Variants in IDE observed in about 807,000 individuals in gnomAD.
IDE encodes the protein insulin degrading enzyme.
Under a neutral mutation model 133.2 loss-of-function variants are expected in IDE, and 58 were observed. The observed-to-expected ratio is 0.44, with a 90% CI of 0.35 to 0.54. The LOEUF (loss-of-function observed/expected upper bound fraction) is 0.54, where lower values mean the gene tolerates loss of function less well. Ranked by LOEUF, IDE falls within the 20% of genes least tolerant of loss-of-function variation. The pLI is 0.00. For missense variants in IDE, 981 were observed against 1,234.0 expected, an observed-to-expected ratio of 0.79 and a Z score of 3.07; for synonymous variants, 396 against 421.3, an observed-to-expected ratio of 0.94 and a Z score of 0.73.
chr10:92,534,500 C>T, intron 3 of IDE, 78 bp downstream of exon 3: 1 of 872,040 alleles, frequency 1.1e-6, no homozygotes, highest in Non-Finnish European at 1.8e-6. Context: ...ATGAAGCCAT[C>T]TCTGTGGAAA....
At chr10:92,528,712 A>T (rs1415992085) in intron 4 of IDE, among the ~76,000 whole-genome samples, 1 of 152,204 alleles carries the variant, frequency 6.6e-6, no homozygotes, top group Non-Finnish European at 1.5e-5. Context: ...CTTAAAACAG[A>T]TAATACAATG....
chr10:92,568,841 A>G (rs1589561239), intron 1 of IDE, among the ~76,000 whole-genome samples: 1 of 149,822 alleles, frequency 6.7e-6, no homozygotes, highest in East Asian at 2.0e-4. Flanking sequence ...AATAATAATA[A>G]TAACAATACC....
chr10:92,490,167 G>T (rs768738335), intron 12 of IDE, among the ~76,000 whole-genome samples: 9 of 152,232 alleles, frequency 5.9e-5, no homozygotes, highest in African/African-American at 2.2e-4. Context: ...TGGAGCCCTT[G>T]CATTGGTTTC....
At position 92,469,310 on chromosome 10, in the gene IDE, T is replaced by A. The variant is rs547488146; in HGVS notation, c.2209-320A>T. ...CACAGAAAAGCAAGGGAGGCAAACA[T>A]AGGCTTTATTGTAGGTAAAATGACC... On this transcript the variant is annotated intron_variant, in intron 18 of 24. Transcript: ENST00000265986. Among the ~76,000 whole-genome samples the A allele has an allele frequency of 9.8e-5, 15 of 152,296 alleles. No homozygotes were observed. The South Asian group carries it at 2.9e-3, about 29-fold the overall frequency.
At chr10:92,529,892 C>T (rs888531968) in intron 4 of IDE, among the ~76,000 whole-genome samples, 2 of 152,124 alleles carry the variant, frequency 1.3e-5, no homozygotes, top group African/African-American at 4.8e-5. Flanking sequence ...TGCAAAATAG[C>T]AGCATTGTTT....
intron 13 of IDE, among the ~76,000 whole-genome samples, chr10:92,486,041 TA>T (rs1276042960): frequency 6.6e-6 from 1 of 152,126 alleles, no homozygotes; most frequent in Non-Finnish European, 1.5e-5. Context: ...TAAAACTCTT[TA>T]AAATGTCATT....
intron 1 of IDE, among the ~76,000 whole-genome samples, chr10:92,564,355 A>C (rs1843419217): frequency 2.0e-5 from 3 of 152,168 alleles, no homozygotes; most frequent in South Asian, 2.1e-4. Context: ...CCAATAGATC[A>C]TCTAATAGAT....
At chr10:92,531,710 G>A in intron 4 of IDE, 38 bp downstream of exon 4, 1 of 1,358,510 alleles carries the variant, frequency 7.4e-7, no homozygotes, top group Non-Finnish European at 1.0e-6. Context: ...AGTGGCCATG[G>A]GTTTAAATGA....
At chr10:92,557,524 C>T (rs756002256) in intron 1 of IDE, among the ~76,000 whole-genome samples, 5 of 151,242 alleles carry the variant, frequency 3.3e-5, no homozygotes, top group African/African-American at 7.3e-5. Context: ...AGAAAGACTC[C>T]ATCTCAAAAA....
intron 17 of IDE, among the ~76,000 whole-genome samples, chr10:92,472,741 C>T (rs868458433): frequency 6.8e-5 from 10 of 147,952 alleles, no homozygotes; most frequent in African/African-American, 2.0e-4. Context: ...TGGGTTCAAG[C>T]GATTCTCCTG....
At chr10:92,570,852 G>C (rs964477849) in intron 1 of IDE, among the ~76,000 whole-genome samples, 1 of 151,828 alleles carries the variant, frequency 6.6e-6, no homozygotes, top group African/African-American at 2.4e-5. Context: ...AGAGATGAAG[G>C]CTGCAGTGAG....
At position 92,475,945 on chromosome 10, in the gene IDE, ATCT is replaced by A; in HGVS notation, c.1931_1933del (p.Lys644del). 1 of 1,551,920 alleles carries A rather than the reference ATCT, an allele frequency of 6.4e-7. No individual in the cohort carries two copies. Among genetic ancestry groups the A allele is most frequent in the East Asian group, 2.3e-5 (1 of 44,162 alleles). Reference sequence around the variant, plus strand: ...CTCAAAGGTAGCCATTTTCTCAATAATCTTCTTTAGTAAAATTGGCTGCTTGTC... The same window carrying A: ...CTCAAAGGTAGCCATTTTCTCAATAATCTTTAGTAAAATTGGCTGCTTGTC... On this transcript the variant is annotated inframe_deletion, in exon 16 of 25. Transcript: ENST00000265986.
intron 5 of IDE, among the ~76,000 whole-genome samples, chr10:92,512,549 C>T (rs930132847): frequency 2.8e-5 from 4 of 140,394 alleles, no homozygotes; most frequent in Admixed American, 7.3e-5. Context: ...ATCTCAAATA[C>T]AACATAGATT....
chr10:92,509,621 C>CA (rs1848480833), intron 6 of IDE, among the ~76,000 whole-genome samples: 1 of 151,092 alleles, frequency 6.6e-6, no homozygotes, highest in East Asian at 1.9e-4. Flanking sequence ...AACAAACAAA[C>CA]AAAAAACACT....
rs1846474573 is a variant in IDE at position 92,479,441 on chromosome 10, G to A, written c.1740-20C>T. 1.9e-6 allele frequency: 3 copies of A among 1,578,228 alleles called. No homozygotes were observed. Among genetic ancestry groups the A allele is most frequent in the Non-Finnish European group, 1.7e-6 (2 of 1,151,304 alleles). Reference sequence around the variant, plus strand: ...AATGGGCTGGAAGAAAATGTTGACAGTAAAATAGCTGATTTTATTACTTCT... The same window carrying A: ...AATGGGCTGGAAGAAAATGTTGACAATAAAATAGCTGATTTTATTACTTCT... On this transcript the variant is annotated intron_variant, in intron 14 of 24. Transcript: ENST00000265986.
At chr10:92,534,237 G>A (rs1470891599) in intron 3 of IDE, among the ~76,000 whole-genome samples, 2 of 152,186 alleles carry the variant, frequency 1.3e-5, no homozygotes, top group East Asian at 1.9e-4. Flanking sequence ...AATGAACGAG[G>A]AGAGAATATT....
rs903575904 is a variant in IDE at position 92,487,098 on chromosome 10, C to T, written c.1656+98G>A. ...TCACCTATTAGGATGTGAGCCTCCCCAAATCAACATAGTACCAAATGTAAG... is the reference window on the plus strand; with the variant it reads ...TCACCTATTAGGATGTGAGCCTCCCTAAATCAACATAGTACCAAATGTAAG... On this transcript the variant is annotated intron_variant, in intron 13 of 24. Coordinates refer to ENST00000265986, the MANE Select transcript of IDE (RefSeq NM_004969.4). 5 of 1,196,818 alleles carry T rather than the reference C, an allele frequency of 4.2e-6. No individual in the cohort carries two copies. In the African/African-American group the frequency reaches 6.2e-5, roughly 15 times the overall value. 74.1% of individuals were successfully genotyped at this position (1,196,818 alleles called of 1,614,324 possible). A position where few individuals can be genotyped will look rare whatever the true frequency, so the allele number is the denominator to read the frequency against.
intron 12 of IDE, among the ~76,000 whole-genome samples, chr10:92,489,535 A>T (rs139407849): frequency 0.027 from 4,158 of 152,250 alleles, 75 homozygotes; most frequent in Non-Finnish European, 0.043. Context: ...TCAAAAAAAA[A>T]AATAAAATTC....
chr10:92,473,299 A>G (rs1421865955), intron 17 of IDE, among the ~76,000 whole-genome samples: 1 of 152,112 alleles, frequency 6.6e-6, no homozygotes, highest in Non-Finnish European at 1.5e-5. Context: ...TTGGCGAGGT[A>G]ATGTTGAGAA....
Sources: allele counts gnomAD v4.1 joint callset (sites outside exome capture counted in the v4.1 genomes callset), GRCh38; gene constraint gnomAD v4.1.1; transcripts MANE v1.5; gene names NCBI Gene and HGNC (gene_info 2026-07-23, HGNC 2026-07-21).